The following CAMSAP1 variants were observed in gnomAD, a reference collection of about 807,000 sequenced individuals.
CAMSAP1 encodes the protein calmodulin-regulated spectrin-associated protein 1.
In CAMSAP1, 58 loss-of-function variants were observed where a neutral mutation model predicts 143.5. The ratio of observed to expected loss-of-function variants is 0.40; its 90% CI spans 0.33 to 0.50. CAMSAP1 has a LOEUF of 0.50. CAMSAP1 is among the 20% of genes least tolerant of loss of function. The pLI is 0.45. For missense variants in CAMSAP1, 1,969 were observed against 2,115.7 expected (o/e 0.93, Z 1.36); for synonymous variants, 945 against 859.3 (o/e 1.10, Z -1.74).
At chr9:135,865,796 T>C (rs1837357105) in intron 4 of CAMSAP1, among the ~76,000 whole-genome samples, 1 of 152,040 alleles carries the variant, frequency 6.6e-6, no homozygotes, top group African/African-American at 2.4e-5. Flanking sequence ...AACAAATGCA[T>C]GGCCAGGGGC....
At position 135,823,144 on chromosome 9, in the gene CAMSAP1, G is replaced by A. The variant is rs145437855; in HGVS notation, c.1517C>T (p.Ser506Phe). The A allele has an allele frequency of 6.2e-7, 1 of 1,613,400 alleles. No individual in the cohort carries two copies. The highest frequency in any genetic ancestry group is 1.7e-5 in the Admixed American group (1 of 59,998). Residue 506 changes from serine to phenylalanine, a missense_variant, in exon 11 of 17, where the codon TCC becomes TTC. Ser to Phe is a radical substitution (Grantham distance 155, BLOSUM62 -2). Around this residue, in one of 4 missense-constraint regions of CAMSAP1, gnomAD observed 1,390 missense variants for 1,420.8 expected, o/e 0.98. Transcript: ENST00000389532. ...CTGTGGGGTCAGATTAACAATGTTGGATGCCAAACTGTCTTTGCTGATGGA... is the reference window on the plus strand; with the variant it reads ...CTGTGGGGTCAGATTAACAATGTTGAATGCCAAACTGTCTTTGCTGATGGA... ...ARSISKDSLA[S>F]NIVNLTPQNQ...
chr9:135,838,296 C>A (rs1290674813), intron 7 of CAMSAP1, among the ~76,000 whole-genome samples: 1 of 150,922 alleles, frequency 6.6e-6, no homozygotes, highest in Non-Finnish European at 1.5e-5. Flanking sequence ...TACAGACACA[C>A]ATCATCACGC....
At chr9:135,831,359 TGTG>T (rs1835853928) in intron 7 of CAMSAP1, among the ~76,000 whole-genome samples, 1 of 151,204 alleles carries the variant, frequency 6.6e-6, no homozygotes, top group Admixed American at 6.6e-5. Context: ...TGGGGCCAGA[TGTG>T]GTGGCGCAGA....
At chr9:135,860,214 G>C (rs1168661399) in intron 5 of CAMSAP1, among the ~76,000 whole-genome samples, 35 of 151,940 alleles carry the variant, frequency 2.3e-4, no homozygotes, top group Admixed American at 2.2e-3. Flanking sequence ...CTGGGTGACA[G>C]AGTGAGACCT....
chr9:135,891,150 G>A (rs905577073), intron 1 of CAMSAP1, among the ~76,000 whole-genome samples: 9 of 152,154 alleles, frequency 5.9e-5, no homozygotes, highest in South Asian at 2.1e-4. Context: ...ACGAGGAAAA[G>A]GGGCCCCTAC....
chr9:135,859,689 G>A (rs542006194), intron 5 of CAMSAP1, among the ~76,000 whole-genome samples: 8 of 151,932 alleles, frequency 5.3e-5, no homozygotes, highest in South Asian at 4.2e-4. Context: ...ACCGCGCCTG[G>A]CCGTAACTCT....
chr9:135,870,523 G>A (rs1015386902), intron 3 of CAMSAP1, among the ~76,000 whole-genome samples: 2 of 152,338 alleles, frequency 1.3e-5, no homozygotes, highest in Non-Finnish European at 2.9e-5. Context: ...GCCAGGCACA[G>A]TGGCTCACAC....
chr9:135,903,959 G>A (rs1838691635), intron 1 of CAMSAP1, among the ~76,000 whole-genome samples: 1 of 152,154 alleles, frequency 6.6e-6, no homozygotes, highest in African/African-American at 2.4e-5. Context: ...TCACACCTAG[G>A]CTGTGACCCC....
chr9:135,850,510 C>T (rs760045997), intron 5 of CAMSAP1, 49 bp from the exon 6 acceptor site: 61 of 1,440,322 alleles, frequency 4.2e-5, no homozygotes, highest in African/African-American at 2.3e-4. Flanking sequence ...TATTCTGCTT[C>T]GAGAGAGAGA....
At chr9:135,883,573 A>C (rs7861677) in intron 1 of CAMSAP1, among the ~76,000 whole-genome samples, 1 of 152,116 alleles carries the variant, frequency 6.6e-6, no homozygotes, top group African/African-American at 2.4e-5. Flanking sequence ...CATGAAAATC[A>C]GAAGTGATAA....
intron 1 of CAMSAP1, among the ~76,000 whole-genome samples, chr9:135,905,633 G>A (rs984788133): frequency 7.9e-5 from 12 of 152,204 alleles, no homozygotes; most frequent in Admixed American, 7.9e-4. Flanking sequence ...ACCTAAGAAC[G>A]TAACGTGGGA....
rs1837330293 is a variant in CAMSAP1, at chr9:135,865,155, A to G, written c.666+1301T>C. ...AAGAGTTCCAAAGTGCCATATTACA[A>G]GGCCTATTCGGCTCAGAATCAGGCC... On this transcript the variant is annotated intron_variant, in intron 4 of 16. Transcript: ENST00000389532. 8.3e-6 allele frequency: 5 copies of G among 604,014 alleles called. No individual in the cohort carries two copies. The South Asian group carries it at 8.6e-5, about 10-fold the overall frequency. The allele number at this position is 604,014 out of a possible 1,614,324, so 37.4% of individuals were successfully genotyped here. A position where few individuals can be genotyped will look rare whatever the true frequency, so the allele number is the denominator to read the frequency against.
intron 4 of CAMSAP1, among the ~76,000 whole-genome samples, chr9:135,863,408 T>C (rs2130935726): frequency 6.6e-6 from 1 of 152,288 alleles, no homozygotes; most frequent in South Asian, 2.1e-4. Flanking sequence ...GTTTTCTGCA[T>C]TAACAGCCAC....
intron 7 of CAMSAP1, among the ~76,000 whole-genome samples, chr9:135,835,560 A>G (rs894975088): frequency 5.9e-5 from 9 of 152,240 alleles, no homozygotes; most frequent in African/African-American, 1.9e-4. Context: ...CAACAAGGGC[A>G]CTGGTGAGCT....
chr9:135,855,745 ATTT>A, intron 5 of CAMSAP1, among the ~76,000 whole-genome samples: 1 of 134,944 alleles, frequency 7.4e-6, no homozygotes, highest in African/African-American at 3.0e-5. Flanking sequence ...CTTCATCTCA[ATTT>A]AAAAAAAAAA....
chr9:135,891,601 A>G (rs1253710076), intron 1 of CAMSAP1, among the ~76,000 whole-genome samples: 1 of 152,236 alleles, frequency 6.6e-6, no homozygotes, highest in Admixed American at 6.5e-5. Flanking sequence ...GGACTTTAAC[A>G]GGACCCAGAA....
intron 3 of CAMSAP1, among the ~76,000 whole-genome samples, chr9:135,873,729 T>C (rs993362034): frequency 2.0e-5 from 3 of 152,170 alleles, no homozygotes; most frequent in South Asian, 2.1e-4. Flanking sequence ...CAATGCTAAA[T>C]AGAAAATCTA....
chr9:135,814,344 GGATGACAGATTGTT>G (rs1835153271), intron 16 of CAMSAP1, among the ~76,000 whole-genome samples: 1 of 152,216 alleles, frequency 6.6e-6, no homozygotes, highest in African/African-American at 2.4e-5. Context: ...AATTTCTGGT[GGATGACAGATTGTT>G]GCATAATTTT....
intron 14 of CAMSAP1, among the ~76,000 whole-genome samples, chr9:135,816,662 CA>C (rs771952939): frequency 6.6e-6 from 1 of 152,112 alleles, no homozygotes; most frequent in Non-Finnish European, 1.5e-5. Context: ...AGGGATCTGC[CA>C]CAAAGCCCAG....
Sources: allele counts gnomAD v4.1 joint callset (sites outside exome capture counted in the v4.1 genomes callset), GRCh38; gene constraint gnomAD v4.1.1; regional missense constraint gnomAD v4.1.1; transcripts MANE v1.5; gene names NCBI Gene and HGNC (gene_info 2026-07-23, HGNC 2026-07-21).